CA5A: variants seen among roughly 807,000 people sequenced by gnomAD.
CA5A encodes the protein carbonic anhydrase 5A.
Under a neutral mutation model 37.1 loss-of-function variants are expected in CA5A, and 28 were observed. The ratio of observed to expected loss-of-function variants is 0.75; its 90% confidence interval spans 0.56 to 1.03. The LOEUF (loss-of-function observed/expected upper bound fraction) is 1.03. CA5A is among the 50% of genes least tolerant of loss of function. The pLI, the probability that CA5A is intolerant of heterozygous loss-of-function variation, is 0.00. For synonymous variants in CA5A, 171 were observed against 158.4 expected (o/e 1.08, Z -0.60); for missense variants, 444 against 399.9 (o/e 1.11, Z -0.94).
At chr16:87,921,657 C>G (rs2056231745) in intron 2 of CA5A, among the ~76,000 whole-genome samples, 1 of 152,122 alleles carries the variant, frequency 6.6e-6, no homozygotes, top group Non-Finnish European at 1.5e-5. Context: ...GGGCTCGCTC[C>G]CAAGGAAAAC....
intron 2 of CA5A, among the ~76,000 whole-genome samples, chr16:87,908,982 C>A (rs576621324): frequency 7.7e-4 from 107 of 139,134 alleles, no homozygotes; most frequent in African/African-American, 3.0e-3. Context: ...CACCACCACA[C>A]CCGGCTATTT....
chr16:87,893,020 C>A lies in CA5A; in HGVS notation c.619-1066G>T, dbSNP rs559478621. 165 of 1,236,760 alleles carry A rather than the reference C, an allele frequency of 1.3e-4. 3 individuals are homozygous for A. The South Asian group carries it at 1.4e-3, about 11-fold the overall frequency. 76.6% of individuals were successfully genotyped at this position (1,236,760 alleles called of 1,614,324 possible). A position where few individuals can be genotyped will look rare whatever the true frequency, so the allele number is the denominator to read the frequency against. ...CACATGCCTAAGCACCCGGAGATGGCAGACAAGAATGTGCCCAACCTTCAT... is the reference window on the plus strand; with the variant it reads ...CACATGCCTAAGCACCCGGAGATGGAAGACAAGAATGTGCCCAACCTTCAT... On this transcript the variant is annotated intron_variant, in intron 5 of 6. Coordinates refer to ENST00000649794, the MANE Select transcript of CA5A (RefSeq NM_001739.2).
intron 2 of CA5A, among the ~76,000 whole-genome samples, chr16:87,924,953 A>T (rs2056284228): frequency 6.6e-6 from 1 of 152,174 alleles, no homozygotes; most frequent in Non-Finnish European, 1.5e-5. Context: ...CTCCCCAATC[A>T]CAGAGGAAGA....
intron 1 of CA5A, among the ~76,000 whole-genome samples, chr16:87,935,350 G>C (rs948304299): frequency 3.9e-5 from 6 of 152,236 alleles, no homozygotes; most frequent in African/African-American, 7.2e-5. Context: ...TTTCTTGGCA[G>C]AGCTGGCTGA....
intron 2 of CA5A, among the ~76,000 whole-genome samples, chr16:87,908,842 G>C (rs1160019474): frequency 2.0e-5 from 3 of 151,914 alleles, no homozygotes; most frequent in Admixed American, 2.0e-4. Context: ...TTGAGACAGA[G>C]TTTCACTCTG....
chr16:87,933,775 A>T (rs1411596526), intron 1 of CA5A, among the ~76,000 whole-genome samples: 1 of 152,178 alleles, frequency 6.6e-6, no homozygotes, highest in Admixed American at 6.5e-5. Context: ...TAGTAACAAT[A>T]TTCTTTTTCC....
chr16:87,923,209 G>T (rs1364928545), intron 2 of CA5A, among the ~76,000 whole-genome samples: 1 of 151,998 alleles, frequency 6.6e-6, no homozygotes, highest in East Asian at 1.9e-4. Flanking sequence ...TTTTTCCCGC[G>T]ATGGAGTCTC....
intron 2 of CA5A, among the ~76,000 whole-genome samples, chr16:87,906,070 T>A (rs1447857663): frequency 6.6e-6 from 1 of 152,194 alleles, no homozygotes; most frequent in Non-Finnish European, 1.5e-5. Flanking sequence ...CAGATTTCCA[T>A]CAGCAGCTGC....
chr16:87,924,720 A>C (rs944420155), intron 2 of CA5A, among the ~76,000 whole-genome samples: 5 of 152,234 alleles, frequency 3.3e-5, no homozygotes, highest in East Asian at 1.9e-4. Context: ...TGTTTAGTGT[A>C]AGGAAGGTGA....
intron 2 of CA5A, among the ~76,000 whole-genome samples, chr16:87,916,919 A>G (rs4559916): frequency 0.68 from 103,170 of 151,738 alleles, 36,354 homozygotes; most frequent in African/African-American, 0.85. Context: ...TGGCTAACAC[A>G]GTGAAACCCC....
intron 2 of CA5A, among the ~76,000 whole-genome samples, chr16:87,924,578 C>T (rs2056276223): frequency 6.6e-6 from 1 of 152,216 alleles, no homozygotes; most frequent in Non-Finnish European, 1.5e-5. Flanking sequence ...CACTGAGGTC[C>T]CCTGTGTTGA....
At chr16:87,913,124 A>G (rs1440855861) in intron 2 of CA5A, among the ~76,000 whole-genome samples, 1 of 151,628 alleles carries the variant, frequency 6.6e-6, no homozygotes, top group East Asian at 1.9e-4. Flanking sequence ...GATTACAGGC[A>G]GGCACCACCA....
chr16:87,889,557 T>A (rs987290849), intron 6 of CA5A, among the ~76,000 whole-genome samples: 3 of 151,926 alleles, frequency 2.0e-5, no homozygotes, highest in African/African-American at 7.2e-5. Context: ...GTGAATCACC[T>A]GAGGTCAGGA....
chr16:87,916,278 C>T (rs756697501), intron 2 of CA5A, among the ~76,000 whole-genome samples: 20 of 152,006 alleles, frequency 1.3e-4, no homozygotes, highest in African/African-American at 1.5e-4. Context: ...GTTGGGAGTT[C>T]GAGACCAGCC....
chr16:87,918,405 C>G (rs1415770430), intron 2 of CA5A, among the ~76,000 whole-genome samples: 1 of 151,876 alleles, frequency 6.6e-6, no homozygotes, highest in Non-Finnish European at 1.5e-5. Flanking sequence ...GCTTTGCTCC[C>G]CCAGCCTTTC....
chr16:87,913,657 C>G (rs988228378), intron 2 of CA5A, among the ~76,000 whole-genome samples: 1 of 137,506 alleles, frequency 7.3e-6, no homozygotes, highest in South Asian at 2.3e-4. Context: ...GCCGTGGCCC[C>G]CCCCTCCTCT....
intron 1 of CA5A, among the ~76,000 whole-genome samples, chr16:87,930,400 T>C (rs1384070239): frequency 6.6e-6 from 1 of 152,192 alleles, no homozygotes; most frequent in Non-Finnish European, 1.5e-5. Context: ...TGCTCCAGGC[T>C]GGTGTCCAGG....
chr16:87,892,039 G>C, intron 5 of CA5A, 85 bp from the exon 6 acceptor site: 1 of 1,289,386 alleles, frequency 7.8e-7, no homozygotes, highest in Non-Finnish European at 1.0e-6. Context: ...AGGCCTTCAT[G>C]GTGCTTGGAA....
At chr16:87,883,640 AT>A (rs150442895), downstream of CA5A, 647 of 112,340 alleles carry the variant, frequency 5.8e-3, 3 homozygotes, top group South Asian at 0.021. Flanking sequence ...TACTTTTCGT[AT>A]TTTTTTTTTT....
Sources: allele counts gnomAD v4.1 joint callset (sites outside exome capture counted in the v4.1 genomes callset), GRCh38; gene constraint gnomAD v4.1.1; transcripts MANE v1.5; gene names NCBI Gene and HGNC (gene_info 2026-07-23, HGNC 2026-07-21).